Variants in ATAD2 observed in about 807,000 individuals in gnomAD.
ATAD2 encodes ATPase family AAA domain containing 2.
In ATAD2, 62 loss-of-function variants were observed where a neutral mutation model predicts 168.9. That is an observed-to-expected ratio of 0.37 (90% CI 0.30 to 0.45). The LOEUF (loss-of-function observed/expected upper bound fraction) is 0.45, where lower values mean the gene tolerates loss of function less well. Ranked by LOEUF, ATAD2 falls within the 20% of genes least tolerant of loss-of-function variation. The pLI is 1.00. For synonymous variants in ATAD2, 613 were observed against 571.6 expected (o/e 1.07, Z -1.03); for missense variants, 1,419 against 1,667.8 (o/e 0.85, Z 2.60).
At position 123,396,409 on chromosome 8, in the gene ATAD2, A is replaced by G. The variant is rs764292504; in HGVS notation, c.-52T>C. On this transcript the variant is annotated 5_prime_UTR_variant, in exon 1 of 28. Transcript: ENST00000287394. ...CGCGACCGGAGAGAGATCCAGCTCCAGGCGCTCGCAGCTCTGGCTCTTCCG... is the reference window on the plus strand; with the variant it reads ...CGCGACCGGAGAGAGATCCAGCTCCGGGCGCTCGCAGCTCTGGCTCTTCCG... The G allele has an allele frequency of 3.4e-6, 5 of 1,471,184 alleles. No homozygotes were observed. The highest frequency in any genetic ancestry group is 2.5e-5 in the East Asian group (1 of 39,596). The allele number at this position is 1,471,184 out of a possible 1,614,324, so 91.1% of individuals were successfully genotyped here. A position where few individuals can be genotyped will look rare whatever the true frequency, so the allele number is the denominator to read the frequency against.
At position 123,409,894 on chromosome 8, in the gene ATAD2, C is replaced by T. The variant is rs76035937; in HGVS notation, c.-2282+6354G>A. Among the ~76,000 whole-genome samples the T allele has an allele frequency of 3.2e-3, 480 of 148,922 alleles. 6 individuals are homozygous for T. The highest frequency in any genetic ancestry group is 0.011 in the African/African-American group (460 of 40,414). ...GAGGTTGCAGTGAGCCGAGATTGCA[C>T]CACTAGACTCCAGCCTGGGTGTGAC... On this transcript the variant is annotated intron_variant, in intron 1 of 28. Transcript: ENST00000521903.
chr8:123,343,660 T>C (rs530339906), intron 19 of ATAD2, among the ~76,000 whole-genome samples: 1 of 152,374 alleles, frequency 6.6e-6, no homozygotes, highest in Admixed American at 6.5e-5. Context: ...ATATGCTTGT[T>C]ATGTGCTCTA....
chr8:123,341,176 T>A (rs1828052016), intron 19 of ATAD2, among the ~76,000 whole-genome samples: 1 of 152,192 alleles, frequency 6.6e-6, no homozygotes, highest in Non-Finnish European at 1.5e-5. Context: ...GAATGTGGTA[T>A]TAAAATATTT....
intron 1 of ATAD2, among the ~76,000 whole-genome samples, chr8:123,414,702 T>C (rs1813214220): frequency 6.6e-6 from 1 of 152,168 alleles, no homozygotes; most frequent in Non-Finnish European, 1.5e-5. Context: ...CCTTACCGTA[T>C]AGAAGGTAGG....
At chr8:123,399,360 T>C (rs911310974), upstream of ATAD2, among the ~76,000 whole-genome samples, 2 of 152,128 alleles carry the variant, frequency 1.3e-5, no homozygotes, top group African/African-American at 2.4e-5. Context: ...ATTCTAAGCA[T>C]AGTTAGAGGT....
intron 1 of ATAD2, among the ~76,000 whole-genome samples, chr8:123,383,503 G>A (rs1829553765): frequency 6.6e-6 from 1 of 152,192 alleles, no homozygotes; most frequent in Non-Finnish European, 1.5e-5. Context: ...CGGGCATGGT[G>A]GCTCATGCCT....
chr8:123,367,197 T>C (rs1244755414), intron 8 of ATAD2, among the ~76,000 whole-genome samples: 1 of 152,018 alleles, frequency 6.6e-6, no homozygotes, highest in Non-Finnish European at 1.5e-5. Context: ...GTGGATCACC[T>C]GAGGTCAGGA....
chr8:123,369,402 C>T (rs1475428525), intron 7 of ATAD2: 3 of 212,550 alleles, frequency 1.4e-5, no homozygotes, highest in African/African-American at 7.0e-5. Context: ...TACCAACCAA[C>T]CAAAACACAC....
chr8:123,378,244 C>T (rs1200437990), intron 2 of ATAD2, among the ~76,000 whole-genome samples: 1 of 151,852 alleles, frequency 6.6e-6, no homozygotes, highest in East Asian at 1.9e-4. Context: ...ATTGCTGATA[C>T]TATGGATTTC....
chr8:123,382,528 C>T (rs1829519994), intron 1 of ATAD2, among the ~76,000 whole-genome samples: 1 of 152,130 alleles, frequency 6.6e-6, no homozygotes, highest in Admixed American at 6.5e-5. Flanking sequence ...GAATCTGTTT[C>T]CAAATTATCA....
intron 21 of ATAD2, 108 bp downstream of exon 21, chr8:123,337,517 A>G: frequency 9.5e-7 from 1 of 1,051,222 alleles, no homozygotes; most frequent in Non-Finnish European, 1.3e-6. Context: ...TTCCAAATAG[A>G]TAAAACTAGT....
chr8:123,401,754 C>T, intron 1 of ATAD2: 2 of 746,218 alleles, frequency 2.7e-6, no homozygotes, highest in East Asian at 2.5e-5. Context: ...ACCTCGGAGG[C>T]CCCCAGCGAA....
At chr8:123,378,610 G>A (rs1444473925) in intron 2 of ATAD2, among the ~76,000 whole-genome samples, 3 of 149,386 alleles carry the variant, frequency 2.0e-5, no homozygotes, top group African/African-American at 4.9e-5. Flanking sequence ...GCTGAGGCAG[G>A]AGGATCGCTT....
At chr8:123,366,262 A>G (rs1161303452) in intron 8 of ATAD2, among the ~76,000 whole-genome samples, 1 of 152,156 alleles carries the variant, frequency 6.6e-6, no homozygotes, top group African/African-American at 2.4e-5. Context: ...AAAAAATCAA[A>G]AAATAATAGA....
chr8:123,393,124 G>A (rs1812667208), intron 1 of ATAD2, among the ~76,000 whole-genome samples: 1 of 150,956 alleles, frequency 6.6e-6, no homozygotes, highest in East Asian at 1.9e-4. Flanking sequence ...GGTGGAGCTT[G>A]CAGTGAGCCG....
chr8:123,321,895 GCA>G (rs1300310214), intron 27 of ATAD2, among the ~76,000 whole-genome samples: 1 of 152,092 alleles, frequency 6.6e-6, no homozygotes, highest in Non-Finnish European at 1.5e-5. Context: ...TCTTGCCACT[GCA>G]CACAGAGAAA....
intron 14 of ATAD2, among the ~76,000 whole-genome samples, chr8:123,348,538 G>A (rs1014472828): frequency 1.5e-4 from 23 of 152,132 alleles, no homozygotes; most frequent in African/African-American, 4.6e-4. Flanking sequence ...TTAGCTGGGC[G>A]TGGTAGCATG....
At chr8:123,414,700 T>G (rs999736667) in intron 1 of ATAD2, among the ~76,000 whole-genome samples, 2 of 152,088 alleles carry the variant, frequency 1.3e-5, no homozygotes, top group Non-Finnish European at 2.9e-5. Context: ...TACCTTACCG[T>G]ATAGAAGGTA....
intron 27 of ATAD2, 98 bp downstream of exon 27, chr8:123,322,840 T>C (rs1827508256): frequency 1.5e-6 from 2 of 1,314,764 alleles, no homozygotes; most frequent in Non-Finnish European, 2.1e-6. Flanking sequence ...ACAATCAGTT[T>C]CTTACACAGA....
Sources: allele counts gnomAD v4.1 joint callset (sites outside exome capture counted in the v4.1 genomes callset), GRCh38; gene constraint gnomAD v4.1.1; transcripts MANE v1.5; gene names NCBI Gene and HGNC (gene_info 2026-07-23, HGNC 2026-07-21).